The following IGF2BP3 variants were observed in gnomAD, a reference collection of about 807,000 sequenced individuals.
IGF2BP3 encodes the protein insulin like growth factor 2 mRNA binding protein 3, also known as insulin-like growth factor 2 mRNA-binding protein 3.
Under a neutral mutation model 73.8 loss-of-function variants are expected in IGF2BP3, and 9 were observed. That is an observed-to-expected ratio of 0.12 (90% CI 0.07 to 0.21). The LOEUF (loss-of-function observed/expected upper bound fraction) is 0.21, where lower values mean the gene tolerates loss of function less well. IGF2BP3 is among the 10% of genes least tolerant of loss of function. The pLI, the probability that IGF2BP3 is intolerant of heterozygous loss-of-function variation, is 1.00. For missense variants in IGF2BP3, 542 were observed against 714.0 expected (o/e 0.76, Z 2.75); for synonymous variants, 258 against 256.7 (o/e 1.01, Z -0.05).
intron 14 of IGF2BP3, 40 bp downstream of exon 14, chr7:23,312,695 C>T (rs368461076): frequency 2.3e-5 from 32 of 1,385,264 alleles, no homozygotes; most frequent in East Asian, 1.8e-4. Flanking sequence ...ATTGCTTCCA[C>T]GTGAGAAAGA....
intron 2 of IGF2BP3, among the ~76,000 whole-genome samples, chr7:23,420,800 CAAAGT>C (rs990356234): frequency 7.9e-5 from 12 of 152,006 alleles, no homozygotes; most frequent in Non-Finnish European, 1.6e-4. Flanking sequence ...ATTTTCATGA[CAAAGT>C]AAAAGCACAG....
intron 2 of IGF2BP3, among the ~76,000 whole-genome samples, chr7:23,432,463 C>T (rs1343666685): frequency 1.3e-5 from 2 of 151,968 alleles, no homozygotes; most frequent in Non-Finnish European, 2.9e-5. Flanking sequence ...CTTTGTTTTA[C>T]TTCTTAATGT....
At position 23,311,008 on chromosome 7, in the gene IGF2BP3, C is replaced by T. The variant is rs1783812433; in HGVS notation, c.*1354G>A. 6.6e-6 allele frequency: 1 copy of T among 152,082 alleles called. No individual in the cohort carries two copies. Among genetic ancestry groups the T allele is most frequent in the African/African-American group, 2.4e-5 (1 of 41,404 alleles). The allele number at this position is 152,082 out of a possible 1,614,324, so 9.4% of individuals were successfully genotyped here. On this transcript the variant is annotated 3_prime_UTR_variant, in exon 15 of 15. Coordinates refer to ENST00000258729, the MANE Select transcript of IGF2BP3 (RefSeq NM_006547.3). ...GTTTTCACAGTCATTCAAATTATAT[C>T]CCAAAAACTTTTCTTGTATTCTCTA...
At chr7:23,323,187 G>C (rs1235916825) in intron 10 of IGF2BP3, among the ~76,000 whole-genome samples, 1 of 151,974 alleles carries the variant, frequency 6.6e-6, no homozygotes, top group Non-Finnish European at 1.5e-5. Context: ...ATCACGTGCA[G>C]ACACACACAT....
At chr7:23,377,185 G>T (rs1785751246) in intron 3 of IGF2BP3, among the ~76,000 whole-genome samples, 1 of 152,054 alleles carries the variant, frequency 6.6e-6, no homozygotes, top group South Asian at 2.1e-4. Context: ...TCAAGAAAGT[G>T]CAAAGACATA....
At chr7:23,393,562 T>C (rs924368278) in intron 3 of IGF2BP3, among the ~76,000 whole-genome samples, 6 of 151,996 alleles carry the variant, frequency 3.9e-5, no homozygotes, top group African/African-American at 1.5e-4. Flanking sequence ...GAGGGGTCAG[T>C]GGAGGGGAAT....
At chr7:23,417,349 CAG>C (rs1181219446) in intron 3 of IGF2BP3, among the ~76,000 whole-genome samples, 1 of 152,100 alleles carries the variant, frequency 6.6e-6, no homozygotes, top group Non-Finnish European at 1.5e-5. Context: ...CATTTGAAAA[CAG>C]AGATAATCCA....
At chr7:23,376,560 A>G (rs1328873749) in intron 3 of IGF2BP3, among the ~76,000 whole-genome samples, 1 of 106,222 alleles carries the variant, frequency 9.4e-6, no homozygotes, top group South Asian at 2.7e-4. Flanking sequence ...AAAAAAAAAG[A>G]AAGAAAGAAA....
At chr7:23,465,220 C>T (rs917032551) in intron 2 of IGF2BP3, among the ~76,000 whole-genome samples, 1 of 152,236 alleles carries the variant, frequency 6.6e-6, no homozygotes, top group African/African-American at 2.4e-5. Context: ...TCCACACCTA[C>T]CCTTACTTCC....
intron 3 of IGF2BP3, among the ~76,000 whole-genome samples, chr7:23,372,087 T>G (rs1159664122): frequency 6.6e-6 from 1 of 152,126 alleles, no homozygotes; most frequent in African/African-American, 2.4e-5. Context: ...TTTTTTTTCT[T>G]TTTTGAGATG....
chr7:23,353,184 G>A (rs992370102), intron 5 of IGF2BP3, among the ~76,000 whole-genome samples: 1 of 152,138 alleles, frequency 6.6e-6, no homozygotes, highest in Non-Finnish European at 1.5e-5. Flanking sequence ...AAGAAAAACA[G>A]GCATAAAATG....
At chr7:23,333,866 C>G (rs1323971547) in intron 10 of IGF2BP3, among the ~76,000 whole-genome samples, 1 of 152,326 alleles carries the variant, frequency 6.6e-6, no homozygotes, top group Middle Eastern at 3.4e-3. Flanking sequence ...CATTTCTGAA[C>G]GTCGTCCAAT....
intron 2 of IGF2BP3, among the ~76,000 whole-genome samples, chr7:23,424,130 T>A (rs1787430631): frequency 6.6e-6 from 1 of 151,112 alleles, no homozygotes; most frequent in South Asian, 2.1e-4. Context: ...ACAAAAAAAT[T>A]TTTTTTTCAA....
intron 5 of IGF2BP3, among the ~76,000 whole-genome samples, chr7:23,353,076 T>C (rs890654154): frequency 2.0e-5 from 3 of 152,050 alleles, no homozygotes; most frequent in Admixed American, 6.6e-5. Context: ...CACAACAAAA[T>C]GAAAAACAAA....
chr7:23,349,935 TA>T (rs1392699399), intron 6 of IGF2BP3, among the ~76,000 whole-genome samples: 8 of 152,164 alleles, frequency 5.3e-5, no homozygotes. Flanking sequence ...ATTTTAAGAT[TA>T]AAGCCAGGCC....
rs11362019 is a variant in IGF2BP3 at position 23,434,091 on chromosome 7, T to TAA, written c.237-15269_237-15268dup. Reference sequence around the variant, plus strand: ...AGACTCTGTCTGGAAAAATTAAAATTAAAAAAAAAAAAAAAAAGAAAAAGT... The same window carrying TAA: ...AGACTCTGTCTGGAAAAATTAAAATTAAAAAAAAAAAAAAAAAAAGAAAAAGT... On this transcript the variant is annotated intron_variant, in intron 2 of 14. Transcript: ENST00000258729. 4.7e-3 allele frequency among the ~76,000 whole-genome samples: 604 copies of TAA among 129,510 alleles called. 3 individuals are homozygous for TAA. Among genetic ancestry groups the TAA allele is most frequent in the African/African-American group, 0.013 (457 of 34,262 alleles). The allele number at this position is 129,510 out of a possible 152,430, so 85.0% of individuals were successfully genotyped here.
At chr7:23,408,269 A>G (rs1786909718) in intron 3 of IGF2BP3, among the ~76,000 whole-genome samples, 1 of 152,200 alleles carries the variant, frequency 6.6e-6, no homozygotes, top group African/African-American at 2.4e-5. Flanking sequence ...ACAGACTATA[A>G]AGGAATAAAA....
chr7:23,455,791 C>T (rs1463608352), intron 2 of IGF2BP3, among the ~76,000 whole-genome samples: 1 of 152,170 alleles, frequency 6.6e-6, no homozygotes, highest in African/African-American at 2.4e-5. Context: ...ATTCGAGCCA[C>T]TCTCCTGCCT....
chr7:23,405,747 C>T (rs113811657), intron 3 of IGF2BP3, among the ~76,000 whole-genome samples: 3 of 152,116 alleles, frequency 2.0e-5, no homozygotes, highest in Admixed American at 1.3e-4. Flanking sequence ...TATCCCGAAA[C>T]CACTCCCCTT....
Sources: gnomAD v4.1 joint callset for allele counts (sites outside exome capture counted in the v4.1 genomes callset) on GRCh38, gnomAD v4.1.1 for gene constraint, MANE v1.5 for transcripts, NCBI Gene and HGNC (gene_info 2026-07-23, HGNC 2026-07-21) for gene names.